ST14: variants seen among roughly 807,000 people sequenced by gnomAD.
ST14 encodes the protein suppressor of tumorigenicity 14 protein.
Under a neutral mutation model 96.5 loss-of-function variants are expected in ST14, and 40 were observed. The observed-to-expected ratio is 0.41, with a 90% CI of 0.32 to 0.54. The LOEUF is 0.54. Among genes scored for constraint, ST14 ranks in the 20% least tolerant of loss-of-function variants. The pLI is 0.17. For synonymous variants in ST14, 506 were observed against 492.1 expected, an observed-to-expected ratio of 1.03 and a Z score of -0.37; for missense variants, 1,066 against 1,188.9, an observed-to-expected ratio of 0.90 and a Z score of 1.52.
intron 7 of ST14, among the ~76,000 whole-genome samples, chr11:130,192,361 C>T (rs993856704): frequency 1.6e-4 from 25 of 152,298 alleles, no homozygotes; most frequent in East Asian, 3.9e-4. Context: ...TAAAGTCACT[C>T]GTCATCTTAC....
intron 17 of ST14, 96 bp downstream of exon 17, chr11:130,208,780 G>A: frequency 7.0e-7 from 1 of 1,435,104 alleles, no homozygotes; most frequent in East Asian, 2.5e-5. Flanking sequence ...GCGGGGGGCT[G>A]CTCCAGTCTC....
intron 16 of ST14, among the ~76,000 whole-genome samples, chr11:130,200,637 C>T (rs57981547): frequency 1.7e-3 from 252 of 152,304 alleles, no homozygotes; most frequent in Non-Finnish European, 2.6e-3. Flanking sequence ...GACAAGCATC[C>T]AAACCAAATG....
chr11:130,197,764 G>T (rs1302433295), intron 11 of ST14, 77 bp from the exon 12 acceptor site: 2 of 1,285,036 alleles, frequency 1.6e-6, no homozygotes, highest in Non-Finnish European at 2.1e-6. Context: ...TGGGAGGTTG[G>T]CCCGAGGGAG....
chr11:130,209,854 C>A lies in ST14; in HGVS notation c.*31C>A, dbSNP rs765068566. ...GGGGCCACCCAAATGTGTACACCTG[C>A]GGGGCCACCCATCGTCCACCCCAGT... On this transcript the variant is annotated 3_prime_UTR_variant, in exon 19 of 19. Transcript: ENST00000278742. 2.4e-5 allele frequency: 39 copies of A among 1,610,178 alleles called. No individual in the cohort carries two copies. In the Admixed American group the frequency reaches 2.7e-4, roughly 11 times the overall value.
At chr11:130,209,329 C>G in intron 17 of ST14, 113 bp from the exon 18 acceptor site, 1 of 1,406,546 alleles carries the variant, frequency 7.1e-7, no homozygotes, top group African/African-American at 1.4e-5. Context: ...TTGTCAGCCC[C>G]GGGCATCTGG....
chr11:130,188,021 G>T lies in ST14; in HGVS notation c.82-93G>T. Reference sequence around the variant, plus strand: ...CCCAAGCCCCTGCTTTCTTCTCCAAGCTGGACCTCACAAAATGTGAACATC... The same window carrying T: ...CCCAAGCCCCTGCTTTCTTCTCCAATCTGGACCTCACAAAATGTGAACATC... On this transcript the variant is annotated intron_variant, in intron 1 of 18. Coordinates refer to ENST00000278742, the MANE Select transcript of ST14 (RefSeq NM_021978.4). This position sits in a 1 kb window ranked among gnomAD's most constrained non-coding sequence, Gnocchi z 5.4. The T allele has an allele frequency of 6.5e-7, 1 of 1,541,168 alleles. No homozygotes were observed. Among genetic ancestry groups the T allele is most frequent in the Non-Finnish European group, 8.8e-7 (1 of 1,137,306 alleles).
Position 130,188,568 on chromosome 11 carries a change from A to C in ST14, c.280A>C (p.Met94Leu). The C allele has an allele frequency of 1.2e-6, 2 of 1,614,232 alleles. No homozygotes were observed. The highest frequency in any genetic ancestry group is 8.5e-7 in the Non-Finnish European group (1 of 1,180,030). Residue 94 changes from methionine to leucine, a missense_variant, in exon 3 of 19, where the codon ATG (methionine) becomes CTG (leucine). Transcript: ENST00000278742. This position sits in a 1 kb window ranked among gnomAD's most constrained non-coding sequence, Gnocchi z 5.4. ...TGTCCAGAAGGTCTTCAATGGCTAC[A>C]TGAGGATCACAAATGAGAATTTTGT... Reference protein sequence around the residue: ...VRVQKVFNGYMRITNENFVDA... With the variant: ...VRVQKVFNGYLRITNENFVDA...
chr11:130,208,451 A>G lies in ST14; in HGVS notation c.2036A>G (p.His679Arg), dbSNP rs1392280267. Residue 679 changes from histidine (H) to arginine (R), a missense_variant, in exon 17 of 19, where the codon CAC becomes CGC. By Grantham distance (29) the His-to-Arg change is conservative. Coordinates refer to ENST00000278742, the MANE Select transcript of ST14 (RefSeq NM_021978.4). ...CAGTGGACGGCCTTCCTGGGCTTGCACGACCAGAGCCAGCGCAGCGCCCCT... is the reference window on the plus strand; with the variant it reads ...CAGTGGACGGCCTTCCTGGGCTTGCGCGACCAGAGCCAGCGCAGCGCCCCT... ...PTQWTAFLGL[H>R]DQSQRSAPGV... 9 of 1,614,046 alleles carry G rather than the reference A, an allele frequency of 5.6e-6. 1 individual carries two copies. The highest frequency in any genetic ancestry group is 6.8e-6 in the Non-Finnish European group (8 of 1,180,046).
At chr11:130,189,004 A>G (rs1347232074) in intron 4 of ST14, 65 bp downstream of exon 4, 2 of 1,524,700 alleles carry the variant, frequency 1.3e-6, no homozygotes, top group African/African-American at 1.4e-5. Flanking sequence ...ATCGGGGTAC[A>G]GTGTGTGGGG....
At chr11:130,173,107 A>T (rs1953108139) in intron 1 of ST14, among the ~76,000 whole-genome samples, 2 of 152,306 alleles carry the variant, frequency 1.3e-5, no homozygotes, top group South Asian at 4.1e-4. Flanking sequence ...TCCCCCTCTT[A>T]AAAGTGGGTT....
intron 1 of ST14, among the ~76,000 whole-genome samples, chr11:130,179,186 C>T (rs775585460): frequency 3.3e-5 from 5 of 152,180 alleles, no homozygotes; most frequent in Non-Finnish European, 5.9e-5. Context: ...CTTCCACATC[C>T]GAGGCCCTGC....
chr11:130,160,223 C>A (rs1473726618), intron 1 of ST14, among the ~76,000 whole-genome samples, 163 bp downstream of exon 1: 1 of 148,100 alleles, frequency 6.8e-6, no homozygotes, highest in Non-Finnish European at 1.5e-5. Context: ...CGCGGGCGGG[C>A]GGGGCTGGCC....
At chr11:130,190,878 G>A (rs1315043572) in intron 7 of ST14, among the ~76,000 whole-genome samples, 184 bp downstream of exon 7, 1 of 152,246 alleles carries the variant, frequency 6.6e-6, no homozygotes, top group East Asian at 1.9e-4. Context: ...TCTGGGAGGT[G>A]ATTTTTCTCA....
intron 1 of ST14, among the ~76,000 whole-genome samples, chr11:130,168,442 G>C (rs937894091): frequency 7.9e-5 from 12 of 152,212 alleles, no homozygotes; most frequent in Non-Finnish European, 1.5e-4. Context: ...CACCGATGTA[G>C]AGCTTCCACT....
intron 9 of ST14, among the ~76,000 whole-genome samples, chr11:130,195,820 T>C (rs1369948037): frequency 6.9e-6 from 1 of 145,922 alleles, no homozygotes; most frequent in African/African-American, 2.6e-5. Flanking sequence ...GCCACTGTAC[T>C]CCAGTCTGGG....
At position 130,194,810 on chromosome 11, in the gene ST14, A is replaced by G. The variant is rs597576; in HGVS notation, c.1113+73A>G. ...TGCACGTGTGTGTGTCTCCCTGTGC[A>G]GATGTGTGTGGATGTGTGTGCATGT... On this transcript the variant is annotated intron_variant, in intron 9 of 18. Coordinates refer to ENST00000278742, the MANE Select transcript of ST14 (RefSeq NM_021978.4). 1,335,818 of 1,493,082 alleles carry G rather than the reference A, an allele frequency of 0.89. 598,090 individuals carry two copies. The highest frequency in any genetic ancestry group is 0.95 in the East Asian group (41,968 of 44,268). 92.5% of individuals were successfully genotyped at this position (1,493,082 alleles called of 1,614,324 possible). A position where few individuals can be genotyped will look rare whatever the true frequency, so the allele number is the denominator to read the frequency against.
intron 1 of ST14, 64 bp downstream of exon 1, chr11:130,160,124 C>A: frequency 8.5e-7 from 1 of 1,173,928 alleles, no homozygotes; most frequent in Non-Finnish European, 1.1e-6. Context: ...TGCAGCGCGG[C>A]GCTGGGCTCG....
At chr11:130,193,935 G>A (rs1353726048) in intron 7 of ST14, among the ~76,000 whole-genome samples, 1 of 152,298 alleles carries the variant, frequency 6.6e-6, no homozygotes, top group Non-Finnish European at 1.5e-5. Flanking sequence ...TGTGACAAAG[G>A]TGAACTGTTT....
At chr11:130,162,059 T>G (rs1953002598) in intron 1 of ST14, among the ~76,000 whole-genome samples, 1 of 152,204 alleles carries the variant, frequency 6.6e-6, no homozygotes, top group Non-Finnish European at 1.5e-5. Context: ...GAGGTGTGGC[T>G]GCTGCCCCTG....
Sources: gnomAD v4.1 joint callset for allele counts (sites outside exome capture counted in the v4.1 genomes callset) on GRCh38, gnomAD v4.1.1 for gene constraint, Gnocchi (gnomAD v3.1) non-coding constraint, MANE v1.5 for transcripts, NCBI Gene and HGNC (gene_info 2026-07-23, HGNC 2026-07-21) for gene names.